Variants in ZFPM1 observed in about 807,000 individuals in gnomAD.
ZFPM1 encodes zinc finger protein ZFPM1.
Under a neutral mutation model 46.3 loss-of-function variants are expected in ZFPM1, and 28 were observed. That is an observed-to-expected ratio of 0.60 (90% confidence interval 0.45 to 0.83). The LOEUF is 0.83. Ranked by LOEUF, ZFPM1 falls within the 40% of genes least tolerant of loss-of-function variation. The pLI, the probability that ZFPM1 is intolerant of heterozygous loss-of-function variation, is 0.00. For synonymous variants in ZFPM1, 957 were observed against 675.9 expected (o/e 1.42, Z -6.45); for missense variants, 1,878 against 1,432.4 (o/e 1.31, Z -5.02).
At chr16:88,515,817 G>T (rs1911261749) in intron 4 of ZFPM1, among the ~76,000 whole-genome samples, 1 of 152,220 alleles carries the variant, frequency 6.6e-6, no homozygotes, top group South Asian at 2.1e-4. Flanking sequence ...TGTGGGGCGT[G>T]AGCTCCCCAT....
intron 4 of ZFPM1, among the ~76,000 whole-genome samples, chr16:88,519,919 ATGGATAGATGGATGAG>A (rs1911694335): frequency 6.8e-6 from 1 of 146,452 alleles, no homozygotes; most frequent in Non-Finnish European, 1.5e-5. Context: ...GGCTGGGTAG[ATGGATAGATGGATGAG>A]TGGATGGATG....
chr16:88,509,396 G>A (rs1910830511), intron 3 of ZFPM1, among the ~76,000 whole-genome samples: 1 of 152,226 alleles, frequency 6.6e-6, no homozygotes, highest in African/African-American at 2.4e-5. Context: ...ACCAACCACA[G>A]AGCCCACCAT....
chr16:88,534,952 C>G lies in ZFPM1; in HGVS notation c.2994C>G (p.Ser998=). Residue 998 remains serine, a synonymous_variant, in exon 10 of 10, where the codon TCC becomes TCG. Coordinates refer to ENST00000319555, the MANE Select transcript of ZFPM1 (RefSeq NM_153813.3). ...TCGCCCACAAGAAGTATTACTGCTC[C>G]TCGCACGCCGCCGAGCACGTGAAGT... is the stretch of plus-strand genomic sequence containing the variant. ...TFIAHKKYYC[S]SHAAEHVK The G allele has an allele frequency of 1.3e-6, 2 of 1,515,690 alleles. No individual in the cohort carries two copies. Among genetic ancestry groups the G allele is most frequent in the Non-Finnish European group, 1.8e-6 (2 of 1,126,980 alleles). The allele number at this position is 1,515,690 out of a possible 1,614,324, so 93.9% of individuals were successfully genotyped here.
At chr16:88,466,759 G>A (rs980824989) in intron 1 of ZFPM1, among the ~76,000 whole-genome samples, 2 of 152,144 alleles carry the variant, frequency 1.3e-5, no homozygotes, top group African/African-American at 2.4e-5. Context: ...AGTGCAGTGG[G>A]GTGTGTATGT....
In ZFPM1 at chr16:88,506,946, C is replaced by G. The variant is rs80161220; in HGVS notation, c.269-7441C>G. On this transcript the variant is annotated intron_variant, in intron 3 of 9. Transcript: ENST00000319555. ...GCTAGCGCATGTCACGTTGTTCCTTCCATCTCGGCTGTCCCGAGTGCCACA... is the reference window on the plus strand; with the variant it reads ...GCTAGCGCATGTCACGTTGTTCCTTGCATCTCGGCTGTCCCGAGTGCCACA... 4.2e-3 allele frequency among the ~76,000 whole-genome samples: 639 copies of G among 152,372 alleles called. 7 individuals are homozygous for G. Among genetic ancestry groups the G allele is most frequent in the African/African-American group, 0.015 (606 of 41,584 alleles).
rs547540640 is a variant in ZFPM1, at chr16:88,489,351, T to G, written c.268+198T>G. The stretch of plus-strand genomic sequence containing the variant: ...CTGGAGCTTGGCACCCTCGCGCCAA[T>G]CCCGGGCCTCACGTGGTGTACAAGG... On this transcript the variant is annotated intron_variant, in intron 3 of 9. Coordinates refer to ENST00000319555, the MANE Select transcript of ZFPM1 (RefSeq NM_153813.3). 4.9e-6 allele frequency: 4 copies of G among 821,646 alleles called. No individual in the cohort carries two copies. The African/African-American group carries it at 7.0e-5, about 14-fold the overall frequency. 50.9% of individuals were successfully genotyped at this position (821,646 alleles called of 1,614,324 possible).
chr16:88,499,552 G>A (rs1232635928), intron 3 of ZFPM1, among the ~76,000 whole-genome samples: 2 of 152,250 alleles, frequency 1.3e-5, no homozygotes, highest in Non-Finnish European at 1.5e-5. Flanking sequence ...GGCGGAGCCT[G>A]GTGCCTAGCA....
At chr16:88,473,068 C>G (rs917121088) in intron 1 of ZFPM1, among the ~76,000 whole-genome samples, 2 of 152,282 alleles carry the variant, frequency 1.3e-5, no homozygotes, top group East Asian at 3.8e-4. Flanking sequence ...GACCGGGCAG[C>G]CTCCGTTTCT....
chr16:88,506,244 T>C (rs11865983), intron 3 of ZFPM1, among the ~76,000 whole-genome samples: 2 of 63,906 alleles, frequency 3.1e-5, no homozygotes, highest in East Asian at 9.3e-4. Flanking sequence ...CAGGGTAGGG[T>C]TGGGGGGCAC....
chr16:88,459,829 T>C (rs1348731339), intron 1 of ZFPM1, among the ~76,000 whole-genome samples: 1 of 129,490 alleles, frequency 7.7e-6, no homozygotes, highest in Admixed American at 8.1e-5. Flanking sequence ...GGTCAATCAC[T>C]TGGGTGAGAT....
At chr16:88,475,991 G>A (rs558224089) in intron 1 of ZFPM1, among the ~76,000 whole-genome samples, 3 of 152,312 alleles carry the variant, frequency 2.0e-5, no homozygotes, top group African/African-American at 7.2e-5. Context: ...TGGTGGGGCT[G>A]AGGGGGTGTG....
rs1209023724 is a variant in ZFPM1 at position 88,469,657 on chromosome 16, A to G, written c.40+15979A>G. Among the ~76,000 whole-genome samples, 2 of 152,248 alleles carry G rather than the reference A, an allele frequency of 1.3e-5. No individual in the cohort carries two copies. The highest frequency in any genetic ancestry group is 4.8e-5 in the African/African-American group (2 of 41,470). On this transcript the variant is annotated intron_variant, in intron 1 of 9. Coordinates refer to ENST00000319555, the MANE Select transcript of ZFPM1 (RefSeq NM_153813.3). This position sits in a 1 kb window ranked among gnomAD's most constrained non-coding sequence, Gnocchi z 4.3. ...GGATGAGGCAGGCTCCGCCGGCCTG[A>G]GACCTGGCTGGAGGCCCTGTCAGCT...
chr16:88,453,189 C>G, upstream of ZFPM1: 1 of 136,810 alleles, frequency 7.3e-6, no homozygotes, highest in African/African-American at 2.7e-5. Flanking sequence ...CAGGGCCCGG[C>G]AGGAGGCACG....
chr16:88,478,291 G>A (rs555871246), intron 1 of ZFPM1, among the ~76,000 whole-genome samples: 29 of 152,340 alleles, frequency 1.9e-4, no homozygotes, highest in South Asian at 4.1e-4. Flanking sequence ...CACCCTCACC[G>A]GCATCCGCTT....
upstream of ZFPM1, among the ~76,000 whole-genome samples, chr16:88,452,475 C>T (rs899309065): frequency 4.6e-5 from 7 of 152,354 alleles, no homozygotes; most frequent in African/African-American, 1.7e-4. Flanking sequence ...GCTGCCGGCT[C>T]CCGCGCCCCC....
chr16:88,458,439 G>A (rs1349515139), intron 1 of ZFPM1, among the ~76,000 whole-genome samples: 1 of 152,258 alleles, frequency 6.6e-6, no homozygotes, highest in Non-Finnish European at 1.5e-5. Flanking sequence ...GGAACCCAGT[G>A]TGGCATCCAG....
Position 88,498,941 on chromosome 16 carries a change from G to A in ZFPM1, c.268+9788G>A, listed in dbSNP as rs1597253211. Reference sequence around the variant, plus strand: ...AAGCACTGGCCCCAGGCCTGGGTGGGGGCTGCACCCGGGTCCTGCCTGCAC... The same window carrying A: ...AAGCACTGGCCCCAGGCCTGGGTGGAGGCTGCACCCGGGTCCTGCCTGCAC... On this transcript the variant is annotated intron_variant, in intron 3 of 9. Transcript: ENST00000319555. Among the ~76,000 whole-genome samples, 7 of 152,286 alleles carry A rather than the reference G, an allele frequency of 4.6e-5. 1 individual carries two copies. Among genetic ancestry groups the A allele is most frequent in the African/African-American group, 2.4e-5 (1 of 41,572 alleles).
Position 88,533,635 on chromosome 16 carries a change from C to T in ZFPM1, c.1677C>T (p.Gly559=), listed in dbSNP as rs1285701854. ...ACAGCCGGCTGCAGCAGGGCGCGGG[C>T]GCGGGCGCCGGCGGCGCGCAGACCG... ...LVHSRLQQGA[G]AGAGGAQTGL... is the part of the protein sequence containing the mutation. The change falls in exon 10 of 10, where the codon GGC becomes GGT. Residue 559 remains glycine (G), a synonymous_variant. Transcript: ENST00000319555. 1 of 1,463,448 alleles carries T rather than the reference C, an allele frequency of 6.8e-7. No homozygotes were observed. The highest frequency in any genetic ancestry group is 9.0e-7 in the Non-Finnish European group (1 of 1,106,048). 90.7% of individuals were successfully genotyped at this position (1,463,448 alleles called of 1,614,324 possible).
chr16:88,477,368 G>A lies in ZFPM1; in HGVS notation c.41-8571G>A, dbSNP rs77522645. Reference sequence around the variant, plus strand: ...AGCAAGCACAGATTTGGGTCACCGCGGTGTGTTTCTTTGCCTGAGACTGGG... The same window carrying A: ...AGCAAGCACAGATTTGGGTCACCGCAGTGTGTTTCTTTGCCTGAGACTGGG... On this transcript the variant is annotated intron_variant, in intron 1 of 9. Coordinates refer to ENST00000319555, the MANE Select transcript of ZFPM1 (RefSeq NM_153813.3). Among the ~76,000 whole-genome samples the A allele has an allele frequency of 1.6e-4, 25 of 152,310 alleles. No individual in the cohort carries two copies. The East Asian group carries it at 1.7e-3, about 11-fold the overall frequency.
Sources: allele counts gnomAD v4.1 joint callset (sites outside exome capture counted in the v4.1 genomes callset), GRCh38; gene constraint gnomAD v4.1.1; non-coding constraint Gnocchi (gnomAD v3.1); transcripts MANE v1.5; gene names NCBI Gene and HGNC (gene_info 2026-07-23, HGNC 2026-07-21).